PIK3C2G: variants seen among roughly 807,000 people sequenced by gnomAD.
PIK3C2G encodes the protein phosphatidylinositol 3-kinase C2 domain-containing subunit gamma.
A neutral mutation model predicts 181.1 loss-of-function variants in PIK3C2G; 168 were observed. That is an observed-to-expected ratio of 0.93 (90% confidence interval 0.82 to 1.05). PIK3C2G has a LOEUF of 1.05. Ranked by LOEUF, PIK3C2G falls within the 50% of genes least tolerant of loss-of-function variation. The probability of loss-of-function intolerance (pLI) is 0.00; values close to 1 mark genes in which losing one functional copy is unlikely to be tolerated. For synonymous variants in PIK3C2G, 573 were observed against 592.2 expected, an observed-to-expected ratio of 0.97 and a Z score of 0.47; for missense variants, 1,869 against 1,732.8, an observed-to-expected ratio of 1.08 and a Z score of -1.40.
At chr12:18,255,252 T>TAAATAAATAAACAAACAAAC (rs1555136296) in intron 1 of PIK3C2G, among the ~76,000 whole-genome samples, 2 of 143,648 alleles carry the variant, frequency 1.4e-5, no homozygotes, top group African/African-American at 5.2e-5. Context: ...AATAAATAAA[T>TAAATAAATAAACAAACAAAC]AAACAAACAA....
chr12:18,642,721 T>G (rs1209992672), intron 32 of PIK3C2G, among the ~76,000 whole-genome samples: 2 of 152,090 alleles, frequency 1.3e-5, no homozygotes, highest in Non-Finnish European at 2.9e-5. Context: ...TTTTTAATAC[T>G]TTTAACACTT....
chr12:18,694,373 G>A, the PIK3C2G span, among the ~76,000 whole-genome samples: 1 of 152,156 alleles, frequency 6.6e-6, no homozygotes, highest in Non-Finnish European at 1.5e-5. Flanking sequence ...ATATGTTAAA[G>A]TTGACACAAA....
chr12:18,529,113 G>A (rs1313901225), intron 24 of PIK3C2G, among the ~76,000 whole-genome samples: 1 of 140,662 alleles, frequency 7.1e-6, no homozygotes, highest in African/African-American at 3.1e-5. Context: ...GCTTTTTCCA[G>A]CATTGGGATA....
intron 31 of PIK3C2G, among the ~76,000 whole-genome samples, chr12:18,633,798 A>G (rs1949468323): frequency 6.6e-6 from 1 of 152,144 alleles, no homozygotes; most frequent in African/African-American, 2.4e-5. Flanking sequence ...ATTCAATGCA[A>G]TCATTGTTGT....
chr12:18,362,644 C>T lies in PIK3C2G; in HGVS notation c.1626-120C>T, dbSNP rs557957346. 2.8e-3 allele frequency: 1,896 copies of T among 687,106 alleles called. 31 individuals carry two copies. The South Asian group carries it at 0.028, about 10-fold the overall frequency. 42.6% of individuals were successfully genotyped at this position (687,106 alleles called of 1,614,324 possible). On this transcript the variant is annotated intron_variant, in intron 11 of 32. Transcript: ENST00000538779. ...TTCTTAAAGCAATTTTTAAAGCATG[C>T]TTTATGCAAGCAGTCATCACTTTAT...
At position 18,330,643 on chromosome 12, in the gene PIK3C2G, T is replaced by A. The variant is rs563969625; in HGVS notation, c.1272+5545T>A. On this transcript the variant is annotated intron_variant, in intron 8 of 32. Coordinates refer to ENST00000538779, the MANE Select transcript of PIK3C2G (RefSeq NM_001288772.2). ...TGCCTATTTTTAAAGTTGAACTATA[T>A]ATCCTCTTGTTATCAAATTGTGAGG... Among the ~76,000 whole-genome samples the A allele has an allele frequency of 7.9e-5, 12 of 152,328 alleles. No individual in the cohort carries two copies. The South Asian group carries it at 2.5e-3, about 32-fold the overall frequency.
chr12:18,313,945 A>T lies in PIK3C2G; in HGVS notation c.1035-17A>T. The T allele has an allele frequency of 7.4e-7, 1 of 1,347,700 alleles. No homozygotes were observed. Among genetic ancestry groups the T allele is most frequent in the Non-Finnish European group, 1.0e-6 (1 of 954,776 alleles). The allele number at this position is 1,347,700 out of a possible 1,614,324, so 83.5% of individuals were successfully genotyped here. On this transcript the variant is annotated splice_polypyrimidine_tract_variant and intron_variant, in intron 5 of 32. Coordinates refer to ENST00000538779, the MANE Select transcript of PIK3C2G (RefSeq NM_001288772.2). Reference sequence around the variant, plus strand: ...ATTATGGGAGGATATGATTGTGTTCATTTTTTCCTCCTTCAGCGACCACTG... The same window carrying T: ...ATTATGGGAGGATATGATTGTGTTCTTTTTTTCCTCCTTCAGCGACCACTG...
At chr12:18,246,907 T>C (rs185392181), upstream of PIK3C2G, among the ~76,000 whole-genome samples, 1,395 of 152,280 alleles carry the variant, frequency 9.2e-3, 20 homozygotes, top group African/African-American at 0.031. Flanking sequence ...CATTTAAATA[T>C]TTAATGGCAA....
At chr12:18,248,253 A>G (rs1032205649) in intron 1 of PIK3C2G, among the ~76,000 whole-genome samples, 3 of 152,138 alleles carry the variant, frequency 2.0e-5, no homozygotes, top group Admixed American at 1.3e-4. Context: ...AATATGTTTT[A>G]CCTATTAACA....
intron 1 of PIK3C2G, among the ~76,000 whole-genome samples, chr12:18,252,205 ACT>A (rs1948101982): frequency 6.6e-6 from 1 of 152,154 alleles, no homozygotes; most frequent in African/African-American, 2.4e-5. Flanking sequence ...AAACTATAGA[ACT>A]AATACGGTGC....
rs1273835811 is a variant in PIK3C2G, at chr12:18,336,622, G to C, written c.1273-1804G>C. On this transcript the variant is annotated intron_variant, in intron 8 of 32. Transcript: ENST00000538779. ...TGACTTACATTGAGTTCACACATAA[G>C]TGAAATAAATGATTTTTTTCCATTT... Among the ~76,000 whole-genome samples the C allele has an allele frequency of 1.9e-4, 29 of 152,080 alleles. 1 individual carries two copies. The highest frequency in any genetic ancestry group is 1.9e-3 in the Admixed American group (29 of 15,268).
chr12:18,677,147 G>C, the PIK3C2G span, among the ~76,000 whole-genome samples: 1 of 152,084 alleles, frequency 6.6e-6, no homozygotes, highest in Admixed American at 6.6e-5. Context: ...GGCTTTGGCT[G>C]AACACAAGAT....
At chr12:18,667,285 G>A in the PIK3C2G span, among the ~76,000 whole-genome samples, 2 of 152,110 alleles carry the variant, frequency 1.3e-5, no homozygotes, top group Non-Finnish European at 1.5e-5. Flanking sequence ...AGAGATATGT[G>A]TAATATCTTA....
At chr12:18,595,136 A>G (rs574766405) in intron 30 of PIK3C2G, among the ~76,000 whole-genome samples, 2 of 152,238 alleles carry the variant, frequency 1.3e-5, no homozygotes, top group South Asian at 4.1e-4. Context: ...TCCTAGCACA[A>G]TATGCAAACT....
intron 24 of PIK3C2G, among the ~76,000 whole-genome samples, chr12:18,522,357 T>G (rs541213511): frequency 6.6e-6 from 1 of 152,348 alleles, no homozygotes; most frequent in Admixed American, 6.5e-5. Context: ...TTTCTCGTTT[T>G]CATTTGTTTT....
chr12:18,466,232 T>C (rs1000648164), intron 18 of PIK3C2G, among the ~76,000 whole-genome samples: 2 of 151,772 alleles, frequency 1.3e-5, no homozygotes, highest in African/African-American at 4.8e-5. Flanking sequence ...CTTACTTCTT[T>C]AAAAAGTTGT....
chr12:18,716,183 T>C, the PIK3C2G span, among the ~76,000 whole-genome samples: 1 of 152,182 alleles, frequency 6.6e-6, no homozygotes, highest in Non-Finnish European at 1.5e-5. Context: ...TTGCCTATTT[T>C]ATCAACAGAG....
At chr12:18,324,962 A>G in intron 7 of PIK3C2G, 73 bp from the exon 8 acceptor site, 1 of 725,766 alleles carries the variant, frequency 1.4e-6, no homozygotes, top group Non-Finnish European at 2.4e-6. Flanking sequence ...AATTTGTGAT[A>G]AATGTTTGTG....
chr12:18,338,466 G>GTT lies in PIK3C2G; in HGVS notation c.1313_1314insTT (p.Leu441PhefsTer2). The GTT allele has an allele frequency of 6.3e-7, 1 of 1,576,188 alleles. No individual in the cohort carries two copies. Among genetic ancestry groups the GTT allele is most frequent in the Non-Finnish European group, 8.7e-7 (1 of 1,147,308 alleles). ...ATTATTGAAGAAGTTAAAAAAATAT[G>GTT]CAGTGTTCTAGGGTGTGTGGAAACC... On this transcript the variant is annotated frameshift_variant, in exon 9 of 33. Transcript: ENST00000538779. LOFTEE classifies it high-confidence loss of function.
Sources: gnomAD v4.1 joint callset for allele counts (sites outside exome capture counted in the v4.1 genomes callset) on GRCh38, gnomAD v4.1.1 for gene constraint, MANE v1.5 for transcripts, NCBI Gene and HGNC (gene_info 2026-07-23, HGNC 2026-07-21) for gene names.